The following ACSL6 variants were observed in gnomAD, a reference collection of about 807,000 sequenced individuals.
ACSL6 encodes the protein long-chain-fatty-acid--CoA ligase 6.
In ACSL6, 47 loss-of-function variants were observed where a neutral mutation model predicts 98.2. The observed-to-expected ratio is 0.48, with a 90% CI of 0.38 to 0.61. The LOEUF (loss-of-function observed/expected upper bound fraction) is 0.61. Among genes scored for constraint, ACSL6 ranks in the 20% least tolerant of loss-of-function variants. The pLI, the probability that ACSL6 is intolerant of heterozygous loss-of-function variation, is 0.00. For synonymous variants in ACSL6, 362 were observed against 336.9 expected (o/e 1.07, Z -0.82); for missense variants, 761 against 913.4 (o/e 0.83, Z 2.15).
At chr5:131,996,290 G>T (rs1006669406) in intron 1 of ACSL6, among the ~76,000 whole-genome samples, 2 of 152,256 alleles carry the variant, frequency 1.3e-5, no homozygotes, top group African/African-American at 4.8e-5. Flanking sequence ...GACCACAGTA[G>T]ATTCACCAGG....
chr5:131,973,516 C>G, intron 11 of ACSL6, 116 bp from the exon 12 acceptor site: 4 of 1,114,470 alleles, frequency 3.6e-6, no homozygotes, highest in Non-Finnish European at 5.0e-6. Context: ...CCTGACCCAG[C>G]TCTGGCTGCT....
intron 10 of ACSL6, chr5:131,976,031 A>G: frequency 1.0e-6 from 1 of 985,458 alleles, no homozygotes; most frequent in Non-Finnish European, 1.2e-6. Flanking sequence ...AAAAAGCCAA[A>G]CTTTTTTGAA....
At chr5:131,992,847 C>G (rs1300581157) in intron 2 of ACSL6, among the ~76,000 whole-genome samples, 3 of 152,342 alleles carry the variant, frequency 2.0e-5, no homozygotes, top group Non-Finnish European at 4.4e-5. Context: ...TAACCAAAAA[C>G]AGCTGTCCTT....
Position 131,954,517 on chromosome 5 carries a change from A to G in ACSL6, c.2032-146T>C, listed in dbSNP as rs1404327501. Reference sequence around the variant, plus strand: ...GTCAAAATTATGTTGAGAACATTTCAGCCTATTTTACGTATCTAAAAGCCA... The same window carrying G: ...GTCAAAATTATGTTGAGAACATTTCGGCCTATTTTACGTATCTAAAAGCCA... On this transcript the variant is annotated intron_variant, in intron 20 of 20. Transcript: ENST00000651883. The G allele has an allele frequency of 4.2e-6, 4 of 955,980 alleles. No homozygotes were observed. The African/African-American group carries it at 6.9e-5, about 16-fold the overall frequency. 59.2% of individuals were successfully genotyped at this position (955,980 alleles called of 1,614,324 possible).
chr5:131,987,052 C>A (rs1328214632), intron 7 of ACSL6, among the ~76,000 whole-genome samples, 198 bp from the exon 8 acceptor site: 4 of 152,098 alleles, frequency 2.6e-5, no homozygotes, highest in African/African-American at 9.7e-5. Flanking sequence ...CTGCACCAAT[C>A]CCAGAGTTTA....
Position 131,994,244 on chromosome 5 carries a change from G to A in ACSL6, c.57C>T (p.Val19=). The change falls in exon 2 of 21, where the codon GTC becomes GTT. Residue 19 remains valine (V), a synonymous_variant. Coordinates refer to ENST00000651883, the MANE Select transcript of ACSL6 (RefSeq NM_001009185.3). ...GGSLWLFVEF[V]LSLLEKMQTQ... is the part of the protein sequence containing the mutation. The stretch of plus-strand genomic sequence containing the variant: ...TCTGCATCTTCTCCAGAAGTGAGAG[G>A]ACAAACTCTGTTGAAAACAAGAGTC... 6.2e-7 allele frequency: 1 copy of A among 1,608,902 alleles called. No individual in the cohort carries two copies. Among genetic ancestry groups the A allele is most frequent in the Non-Finnish European group, 8.5e-7 (1 of 1,177,422 alleles).
Position 131,951,804 on chromosome 5 carries a change from G to C in ACSL6, c.*2430C>G, listed in dbSNP as rs899447175. 3 of 161,436 alleles carry C rather than the reference G, an allele frequency of 1.9e-5. No homozygotes were observed. Among genetic ancestry groups the C allele is most frequent in the Non-Finnish European group, 4.1e-5 (3 of 73,620 alleles). The allele number at this position is 161,436 out of a possible 1,614,324, so 10.0% of individuals were successfully genotyped here. A position where few individuals can be genotyped will look rare whatever the true frequency, so the allele number is the denominator to read the frequency against. ...GGGTTTCACTGTGTTAGCCAGGATG[G>C]TCTCGATCTCCTGACTTCGTGATCT... On this transcript the variant is annotated 3_prime_UTR_variant, in exon 21 of 21. Transcript: ENST00000651883.
At chr5:131,989,845 T>C (rs1754411222) in intron 4 of ACSL6, among the ~76,000 whole-genome samples, 1 of 152,144 alleles carries the variant, frequency 6.6e-6, no homozygotes. Flanking sequence ...CCACCCGCCT[T>C]GGCCTCCCAA....
At position 131,985,242 on chromosome 5, in the gene ACSL6, G is replaced by A; in HGVS notation, c.916+165C>T. The stretch of plus-strand genomic sequence containing the variant: ...TCCATCTGCATCTGGCCACTCTTAT[G>A]CAGGGCACTGGGAGGTGCAGGAGGT... On this transcript the variant is annotated intron_variant, in intron 9 of 20. Transcript: ENST00000651883. 3.7e-6 allele frequency: 3 copies of A among 801,236 alleles called. No individual in the cohort carries two copies. In the South Asian group the frequency reaches 4.9e-5, roughly 13 times the overall value. The allele number at this position is 801,236 out of a possible 1,614,324, so 49.6% of individuals were successfully genotyped here.
rs541875577 is a variant in ACSL6 at position 131,985,310 on chromosome 5, T to C, written c.916+97A>G. 454 of 1,490,722 alleles carry C rather than the reference T, an allele frequency of 3.0e-4. 5 individuals are homozygous for C. The highest frequency in any genetic ancestry group is 2.2e-3 in the South Asian group (191 of 85,230). The allele number at this position is 1,490,722 out of a possible 1,614,324, so 92.3% of individuals were successfully genotyped here. ...CAGGAACAAGACAAGGCTCAGCCCA[T>C]TTCAAACAGGGTATCAAAGACTCCA... is the stretch of plus-strand genomic sequence containing the variant. On this transcript the variant is annotated intron_variant, in intron 9 of 20. Coordinates refer to ENST00000651883, the MANE Select transcript of ACSL6 (RefSeq NM_001009185.3).
intron 4 of ACSL6, 36 bp from the exon 5 acceptor site, chr5:131,989,544 G>A (rs750017363): frequency 6.8e-5 from 78 of 1,139,014 alleles, no homozygotes; most frequent in Non-Finnish European, 1.0e-4. Context: ...GGGAAAACAA[G>A]GACTCTTCAA....
chr5:131,993,942 C>T, intron 2 of ACSL6, 89 bp downstream of exon 2: 5 of 1,389,118 alleles, frequency 3.6e-6, no homozygotes, highest in Middle Eastern at 2.5e-4. Flanking sequence ...CATGTGAGGT[C>T]AAATAAGCCA....
chr5:131,988,328 G>T, intron 6 of ACSL6, 102 bp from the exon 7 acceptor site: 1 of 1,402,384 alleles, frequency 7.1e-7, no homozygotes, highest in Non-Finnish European at 9.9e-7. Context: ...TCCATGGTCT[G>T]TGTGCCCATA....
Position 131,994,045 on chromosome 5 carries a change from A to C in ACSL6, c.256T>G (p.Ser86Ala), listed in dbSNP as rs752404019. The C allele has an allele frequency of 6.2e-7, 1 of 1,613,868 alleles. No homozygotes were observed. Among genetic ancestry groups the C allele is most frequent in the Non-Finnish European group, 8.5e-7 (1 of 1,180,032 alleles). ...LQPPCNLLMQ[S>A]EEVEDSGGAR... ...ATCCTGCTCACCTCTACTTCTTCTG[A>C]CTGCATCAGGAGGTTGCATGGCGGC... Residue 86 changes from serine (S) to alanine (A), a missense_variant, in exon 2 of 21, where the codon TCA (serine) becomes GCA (alanine). Transcript: ENST00000651883.
chr5:132,002,530 C>G (rs749191517), intron 1 of ACSL6, among the ~76,000 whole-genome samples: 2 of 152,022 alleles, frequency 1.3e-5, no homozygotes. Flanking sequence ...GTGGGGGGAG[C>G]AACAGAGGGA....
chr5:131,971,702 C>T (rs1753317995), intron 13 of ACSL6, 57 bp from the exon 14 acceptor site: 1 of 1,455,800 alleles, frequency 6.9e-7, no homozygotes, highest in East Asian at 2.4e-5. Context: ...GTGTCCAGTC[C>T]ATCTGGGTTT....
At chr5:131,959,997 C>T (rs774678320) in intron 19 of ACSL6, among the ~76,000 whole-genome samples, 6 of 152,162 alleles carry the variant, frequency 3.9e-5, no homozygotes, top group African/African-American at 9.7e-5. Context: ...CACAGCATGG[C>T]GACCTCCTCC....
chr5:131,959,491 C>T (rs766797075), intron 20 of ACSL6, 45 bp downstream of exon 20: 3 of 1,588,226 alleles, frequency 1.9e-6, no homozygotes. Flanking sequence ...TAATTTTCAT[C>T]ACTGCCTGAA....
intron 1 of ACSL6, among the ~76,000 whole-genome samples, chr5:132,009,319 G>C (rs1220033207): frequency 3.9e-5 from 6 of 152,224 alleles, no homozygotes; most frequent in African/African-American, 1.2e-4. Context: ...CTACTAAAGA[G>C]AGACATTGCC....
Sources: gnomAD v4.1 joint callset for allele counts (sites outside exome capture counted in the v4.1 genomes callset) on GRCh38, gnomAD v4.1.1 for gene constraint, MANE v1.5 for transcripts, NCBI Gene and HGNC (gene_info 2026-07-23, HGNC 2026-07-21) for gene names.